The following TCF12 variants were observed in gnomAD, a reference collection of about 807,000 sequenced individuals.
The protein encoded by TCF12 is transcription factor 12.
A neutral mutation model predicts 86.0 loss-of-function variants in TCF12; 45 were observed. The ratio of observed to expected loss-of-function variants is 0.52; its 90% CI spans 0.41 to 0.67. The LOEUF is 0.67. Among genes scored for constraint, TCF12 ranks in the 30% least tolerant of loss-of-function variants. The pLI is 0.00. For synonymous variants in TCF12, 330 were observed against 299.6 expected (o/e 1.10, Z -1.05); for missense variants, 881 against 859.9 (o/e 1.02, Z -0.31).
At chr15:57,236,724 G>T (rs551261480) in intron 12 of TCF12, among the ~76,000 whole-genome samples, 1 of 151,896 alleles carries the variant, frequency 6.6e-6, no homozygotes, top group Non-Finnish European at 1.5e-5. Context: ...TTTATTTTAG[G>T]TTTAAGCCTG....
chr15:57,145,810 T>G (rs563768388), intron 5 of TCF12, among the ~76,000 whole-genome samples: 1 of 152,304 alleles, frequency 6.6e-6, no homozygotes, highest in East Asian at 1.9e-4. Context: ...CCTCTCCTTA[T>G]GCTACTCTGC....
intron 5 of TCF12, among the ~76,000 whole-genome samples, chr15:57,115,974 C>A (rs2050808372): frequency 6.6e-6 from 1 of 152,134 alleles, no homozygotes; most frequent in South Asian, 2.1e-4. Context: ...CTGTCCAGTT[C>A]CCAGACTTAG....
chr15:56,951,677 T>G (rs1195638593), intron 3 of TCF12, among the ~76,000 whole-genome samples: 1 of 152,148 alleles, frequency 6.6e-6, no homozygotes, highest in East Asian at 1.9e-4. Context: ...TGAGACCAGG[T>G]TTTGCTCTGT....
intron 13 of TCF12, among the ~76,000 whole-genome samples, chr15:57,250,592 G>C (rs1456301791): frequency 6.6e-6 from 1 of 152,210 alleles, no homozygotes; most frequent in East Asian, 1.9e-4. Flanking sequence ...AGCTTGGCGT[G>C]GTGGTGTGTG....
intron 13 of TCF12, chr15:57,251,127 A>C: frequency 2.3e-6 from 1 of 434,590 alleles, no homozygotes; most frequent in Non-Finnish European, 4.1e-6. Flanking sequence ...ATTTAAAATT[A>C]CAGGGTTTTT....
At chr15:56,965,353 C>G (rs1184201786) in intron 3 of TCF12, among the ~76,000 whole-genome samples, 1 of 151,920 alleles carries the variant, frequency 6.6e-6, no homozygotes, top group African/African-American at 2.4e-5. Flanking sequence ...AAACAGTAAC[C>G]CAGTTTTGAG....
intron 12 of TCF12, 112 bp downstream of exon 12, chr15:57,234,219 T>G (rs2059288885): frequency 1.2e-6 from 1 of 818,998 alleles, no homozygotes; most frequent in African/African-American, 1.7e-5. Context: ...AAGATCAATT[T>G]CATTACACAT....
intron 3 of TCF12, among the ~76,000 whole-genome samples, chr15:56,937,541 TTTTC>T (rs1219846035): frequency 1.3e-5 from 2 of 151,996 alleles, no homozygotes; most frequent in South Asian, 2.1e-4. Flanking sequence ...TGGGTGCCCT[TTTTC>T]TTTCTTTCTC....
intron 8 of TCF12, among the ~76,000 whole-genome samples, chr15:57,202,832 C>G (rs952880645): frequency 1.3e-5 from 2 of 152,082 alleles, no homozygotes; most frequent in Non-Finnish European, 2.9e-5. Flanking sequence ...ATGCCTATCT[C>G]AGATGTTATT....
At chr15:57,119,397 C>G (rs117814484) in intron 5 of TCF12, among the ~76,000 whole-genome samples, 11,589 of 150,746 alleles carry the variant, frequency 0.077, 629 homozygotes, top group Non-Finnish European at 0.11. Context: ...AAGCAATCCT[C>G]TCCGCTCAGC....
intron 12 of TCF12, among the ~76,000 whole-genome samples, chr15:57,236,248 T>C (rs1451886682): frequency 1.3e-5 from 2 of 152,212 alleles, no homozygotes; most frequent in Non-Finnish European, 2.9e-5. Flanking sequence ...AATACATTCT[T>C]TTTCCAACTT....
rs2060092435 is a variant in TCF12 at position 57,251,048 on chromosome 15, G to A, written c.1115-302G>A. 1.2e-5 allele frequency: 3 copies of A among 252,942 alleles called. No individual in the cohort carries two copies. In the South Asian group the frequency reaches 2.4e-4, roughly 20 times the overall value. The allele number at this position is 252,942 out of a possible 1,614,324, so 15.7% of individuals were successfully genotyped here. ...AATTTTAAAAGTGTGTACGTTATAAGTGCATTTTCTCAAGATACATAGGCA... is the reference window on the plus strand; with the variant it reads ...AATTTTAAAAGTGTGTACGTTATAAATGCATTTTCTCAAGATACATAGGCA... On this transcript the variant is annotated intron_variant, in intron 13 of 20. Transcript: ENST00000333725.
chr15:57,136,958 G>GTTTTTTTTTTTTTTTTTTT lies in TCF12; in HGVS notation c.326-29433_326-29432insTTTTTTTTTTTTTTTTTTT, dbSNP rs869113042. ...TAGACAATAGCCACTGCTTCTGGCA[G>GTTTTTTTTTTTTTTTTTTT]TTTTTTTTTTTGTTTTTTTTTTTTT... On this transcript the variant is annotated intron_variant, in intron 5 of 20. Transcript: ENST00000333725. Among the ~76,000 whole-genome samples the GTTTTTTTTTTTTTTTTTTT allele has an allele frequency of 9.6e-5, 8 of 83,044 alleles. 3 individuals carry two copies. Among genetic ancestry groups the GTTTTTTTTTTTTTTTTTTT allele is most frequent in the African/African-American group, 1.9e-4 (4 of 20,800 alleles). 54.5% of individuals were successfully genotyped at this position (83,044 alleles called of 152,430 possible). A position where few individuals can be genotyped will look rare whatever the true frequency, so the allele number is the denominator to read the frequency against.
intron 5 of TCF12, among the ~76,000 whole-genome samples, chr15:57,154,236 C>T (rs528877435): frequency 6.6e-6 from 1 of 152,118 alleles, no homozygotes; most frequent in Admixed American, 6.5e-5. Context: ...AGGGTCTTCG[C>T]TAGATGAAAA....
chr15:57,222,530 TG>T (rs1289574154), intron 8 of TCF12, among the ~76,000 whole-genome samples: 1 of 151,842 alleles, frequency 6.6e-6, no homozygotes, highest in Non-Finnish European at 1.5e-5. Flanking sequence ...GGTATTAATG[TG>T]GGTTTATAGT....
chr15:57,197,275 A>G (rs917719820), intron 7 of TCF12, among the ~76,000 whole-genome samples: 1 of 144,060 alleles, frequency 6.9e-6, no homozygotes, highest in Non-Finnish European at 1.5e-5. Context: ...TCCTGCCTCA[A>G]CCTCCCGAGT....
intron 3 of TCF12, among the ~76,000 whole-genome samples, chr15:56,932,071 C>T (rs890564561): frequency 6.6e-5 from 10 of 152,104 alleles, no homozygotes; most frequent in Admixed American, 3.3e-4. Flanking sequence ...GTGCCTGTAG[C>T]GAGCAGACTC....
chr15:57,091,424 T>C (rs1025421699), intron 4 of TCF12, among the ~76,000 whole-genome samples: 2 of 152,180 alleles, frequency 1.3e-5, no homozygotes. Flanking sequence ...AAAAATCCAT[T>C]GTACTTTCCC....
At chr15:57,259,297 G>A (rs1435293837) in intron 16 of TCF12, among the ~76,000 whole-genome samples, 1 of 152,162 alleles carries the variant, frequency 6.6e-6, no homozygotes, top group East Asian at 1.9e-4. Context: ...AAATCTTGGA[G>A]TAGACAGTAT....
Sources: allele counts gnomAD v4.1 joint callset (sites outside exome capture counted in the v4.1 genomes callset), GRCh38; gene constraint gnomAD v4.1.1; transcripts MANE v1.5; gene names NCBI Gene and HGNC (gene_info 2026-07-23, HGNC 2026-07-21).